Variants in TRAK1 observed in about 807,000 individuals in gnomAD.
The protein encoded by TRAK1 is trafficking kinesin protein 1.
TRAK1 carries 33 observed loss-of-function variants against 92.1 expected under a neutral mutation model. That is an observed-to-expected ratio of 0.36 (90% CI 0.27 to 0.48). The LOEUF is 0.48. TRAK1 is among the 20% of genes least tolerant of loss of function. The pLI, the probability that TRAK1 is intolerant of heterozygous loss-of-function variation, is 0.99. For missense variants in TRAK1, 1,123 were observed against 1,257.9 expected, an observed-to-expected ratio of 0.89 and a Z score of 1.62; for synonymous variants, 521 against 517.3, an observed-to-expected ratio of 1.01 and a Z score of -0.10.
chr3:42,199,302 A>G, intron 11 of TRAK1, 49 bp downstream of exon 11: 1 of 1,592,540 alleles, frequency 6.3e-7, no homozygotes, highest in Non-Finnish European at 8.6e-7. Context: ...ACCAACTTGG[A>G]CCAGTGCAGT....
intron 2 of TRAK1, among the ~76,000 whole-genome samples, chr3:42,137,904 A>G (rs1056732964): frequency 6.6e-6 from 1 of 152,228 alleles, no homozygotes; most frequent in African/African-American, 2.4e-5. Context: ...CTGGAAATTA[A>G]TCAGCATTAA....
chr3:42,027,446 C>A (rs1251908518), intron 1 of TRAK1, among the ~76,000 whole-genome samples: 1 of 151,876 alleles, frequency 6.6e-6, no homozygotes, highest in Non-Finnish European at 1.5e-5. Context: ...TGGCGTTAAC[C>A]CGGGAGGTGG....
chr3:42,031,859 G>GA (rs1226834824), intron 1 of TRAK1, among the ~76,000 whole-genome samples: 1 of 152,104 alleles, frequency 6.6e-6, no homozygotes, highest in Non-Finnish European at 1.5e-5. Flanking sequence ...AGGGACCAGG[G>GA]AGAGTATAAA....
At chr3:42,163,345 T>C (rs1033137116) in intron 2 of TRAK1, among the ~76,000 whole-genome samples, 1 of 150,716 alleles carries the variant, frequency 6.6e-6, no homozygotes, top group Admixed American at 6.6e-5. Context: ...CTGAGGCGGG[T>C]GGATCATGAG....
chr3:42,194,628 A>G (rs775899228), intron 9 of TRAK1, among the ~76,000 whole-genome samples, 176 bp from the exon 10 acceptor site: 18 of 152,206 alleles, frequency 1.2e-4, no homozygotes, highest in Admixed American at 2.6e-4. Flanking sequence ...CCTCAAGTCA[A>G]AGAAAAAGCA....
intron 1 of TRAK1, among the ~76,000 whole-genome samples, chr3:42,124,797 A>T (rs543401708): frequency 6.6e-6 from 1 of 152,254 alleles, no homozygotes. Flanking sequence ...ACACCAAGCT[A>T]TTCCTTAAAG....
chr3:42,160,116 CA>C, intron 2 of TRAK1: 5 of 1,094,624 alleles, frequency 4.6e-6, no homozygotes, highest in African/African-American at 1.6e-5. Context: ...TGCTCCACCC[CA>C]CCCCGCCCCT....
Position 42,206,511 on chromosome 3 carries a change from G to C in TRAK1, c.1745-3256G>C, listed in dbSNP as rs556367851. ...CCCAGATCAGTCAAGCCACTTGCCAGCTCTGTAGCCTCTAGCAAGTTACTT... is the reference window on the plus strand; with the variant it reads ...CCCAGATCAGTCAAGCCACTTGCCACCTCTGTAGCCTCTAGCAAGTTACTT... On this transcript the variant is annotated intron_variant, in intron 13 of 15. Transcript: ENST00000327628. Among the ~76,000 whole-genome samples the C allele has an allele frequency of 8.5e-5, 13 of 152,360 alleles. No homozygotes were observed. In the South Asian group the frequency reaches 2.7e-3, roughly 32 times the overall value.
chr3:42,117,175 G>T (rs186817970), intron 1 of TRAK1, among the ~76,000 whole-genome samples: 1 of 152,244 alleles, frequency 6.6e-6, no homozygotes, highest in Admixed American at 6.5e-5. Flanking sequence ...GAAATTTAGG[G>T]TATGAAGAAA....
intron 1 of TRAK1, among the ~76,000 whole-genome samples, chr3:42,121,829 T>C (rs1709921247): frequency 6.6e-6 from 1 of 152,148 alleles, no homozygotes; most frequent in South Asian, 2.1e-4. Flanking sequence ...CAGTTGTTTT[T>C]TTTTTAAAAA....
chr3:42,154,363 G>A (rs757415594), intron 2 of TRAK1, among the ~76,000 whole-genome samples: 11 of 152,092 alleles, frequency 7.2e-5, no homozygotes, highest in Non-Finnish European at 1.5e-4. Context: ...AGTAGAGATG[G>A]AGTTTCACCA....
At chr3:42,083,250 T>C (rs1187418455), upstream of TRAK1, among the ~76,000 whole-genome samples, 1 of 152,236 alleles carries the variant, frequency 6.6e-6, no homozygotes, top group African/African-American at 2.4e-5. Context: ...GTGTTGTGTT[T>C]TGGCAGGGGG....
At chr3:42,034,378 A>T (rs1702253962) in intron 1 of TRAK1, among the ~76,000 whole-genome samples, 1 of 151,854 alleles carries the variant, frequency 6.6e-6, no homozygotes, top group South Asian at 2.1e-4. Context: ...TGCAGCCTCG[A>T]CCTCCCTGGG....
At chr3:42,186,893 C>A (rs1481623594) in intron 4 of TRAK1, among the ~76,000 whole-genome samples, 1 of 152,222 alleles carries the variant, frequency 6.6e-6, no homozygotes, top group African/African-American at 2.4e-5. Context: ...ATAATTCACT[C>A]TGTTTTGTAG....
intron 1 of TRAK1, among the ~76,000 whole-genome samples, chr3:42,019,000 T>C (rs1241397241): frequency 3.9e-5 from 6 of 152,000 alleles, no homozygotes; most frequent in African/African-American, 1.4e-4. Context: ...TGGACGCCTG[T>C]AATCCCAGCT....
chr3:42,091,852 G>A (rs1705117343), intron 1 of TRAK1, among the ~76,000 whole-genome samples: 1 of 152,128 alleles, frequency 6.6e-6, no homozygotes, highest in South Asian at 2.1e-4. Flanking sequence ...ACAGGGCTGA[G>A]TTGAGCCCAG....
At chr3:42,158,205 A>G (rs1044880680) in intron 2 of TRAK1, among the ~76,000 whole-genome samples, 1 of 152,198 alleles carries the variant, frequency 6.6e-6, no homozygotes, top group African/African-American at 2.4e-5. Flanking sequence ...GATGAGTATA[A>G]ATAAATTTAT....
At chr3:42,070,258 A>C in intron 1 of TRAK1, among the ~76,000 whole-genome samples, 1 of 146,756 alleles carries the variant, frequency 6.8e-6, no homozygotes, top group South Asian at 2.1e-4. Context: ...AATTATTATA[A>C]TTATAATAAT....
intron 13 of TRAK1, among the ~76,000 whole-genome samples, chr3:42,205,988 G>A (rs1193432394): frequency 6.6e-6 from 1 of 152,188 alleles, no homozygotes; most frequent in Non-Finnish European, 1.5e-5. Flanking sequence ...GGAGGAGTGA[G>A]CAGGTCTTGA....
Sources: gnomAD v4.1 joint callset for allele counts (sites outside exome capture counted in the v4.1 genomes callset) on GRCh38, gnomAD v4.1.1 for gene constraint, MANE v1.5 for transcripts, NCBI Gene and HGNC (gene_info 2026-07-23, HGNC 2026-07-21) for gene names.